PTPRN2: variants seen among roughly 807,000 people sequenced by gnomAD.
PTPRN2 encodes the protein receptor-type tyrosine-protein phosphatase N2.
PTPRN2 carries 74 observed loss-of-function variants against 118.8 expected under a neutral mutation model. The observed-to-expected ratio is 0.62, with a 90% CI of 0.52 to 0.76. The LOEUF (loss-of-function observed/expected upper bound fraction) is 0.76, where lower values mean the gene tolerates loss of function less well. PTPRN2 is among the 30% of genes least tolerant of loss of function. The probability of loss-of-function intolerance (pLI) is 0.00; values close to 1 mark genes in which losing one functional copy is unlikely to be tolerated. For missense variants in PTPRN2, 1,481 were observed against 1,394.4 expected (o/e 1.06, Z -0.99); for synonymous variants, 641 against 608.0 (o/e 1.05, Z -0.80).
chr7:158,266,060 C>T (rs140710217), intron 3 of PTPRN2, among the ~76,000 whole-genome samples: 5,409 of 147,266 alleles, frequency 0.037, 105 homozygotes, highest in Middle Eastern at 0.074. Flanking sequence ...AGGCTGGGGA[C>T]GGCGTCTGCT....
chr7:157,608,032 G>A (rs1802106509), intron 15 of PTPRN2, among the ~76,000 whole-genome samples: 2 of 152,134 alleles, frequency 1.3e-5, no homozygotes, highest in African/African-American at 4.8e-5. Context: ...TCGCATATTT[G>A]ATTTTGTGTC....
intron 2 of PTPRN2, among the ~76,000 whole-genome samples, chr7:158,489,299 T>C (rs2129445384): frequency 6.6e-6 from 1 of 152,148 alleles, no homozygotes; most frequent in East Asian, 1.9e-4. Flanking sequence ...TACAAAAAAT[T>C]AGCCGGGTGC....
intron 1 of PTPRN2, among the ~76,000 whole-genome samples, chr7:158,547,518 G>A (rs1398950903): frequency 6.6e-6 from 1 of 152,166 alleles, no homozygotes; most frequent in Non-Finnish European, 1.5e-5. Context: ...TCCATATAAT[G>A]TTCTCAAGGC....
chr7:158,205,093 C>T lies in PTPRN2; in HGVS notation c.380+78G>A. 3.2e-6 allele frequency: 4 copies of T among 1,245,388 alleles called. No homozygotes were observed. The Middle Eastern group carries it at 5.6e-4, about 176-fold the overall frequency. The allele number at this position is 1,245,388 out of a possible 1,614,324, so 77.1% of individuals were successfully genotyped here. On this transcript the variant is annotated intron_variant, in intron 4 of 22. Transcript: ENST00000389418. The stretch of plus-strand genomic sequence containing the variant: ...GGGTGCTTTGCTACATTAAAACAAA[C>T]AAACAAACAAATAATAAGTGTAATG...
intron 3 of PTPRN2, among the ~76,000 whole-genome samples, chr7:158,311,864 TGTGTAGACACCCACACACCTGCAC>T (rs1480361434): frequency 0.012 from 1,769 of 148,152 alleles, 37 homozygotes; most frequent in African/African-American, 0.042. Context: ...CACATGCTCA[TGTGTAGACACCCACACACCTGCAC>T]GTGTAGACAC....
chr7:158,523,257 C>A (rs991505473), intron 1 of PTPRN2, among the ~76,000 whole-genome samples: 8 of 152,184 alleles, frequency 5.3e-5, no homozygotes, highest in Non-Finnish European at 7.3e-5. Context: ...CCTCAGCAGC[C>A]AGAGTGGTGC....
intron 12 of PTPRN2, among the ~76,000 whole-genome samples, chr7:157,743,870 T>C (rs542123216): frequency 2.3e-4 from 35 of 152,354 alleles, no homozygotes; most frequent in Non-Finnish European, 4.3e-4. Flanking sequence ...ATTAGGTTCC[T>C]GGCATGGCTG....
intron 2 of PTPRN2, among the ~76,000 whole-genome samples, chr7:158,485,044 C>T (rs141720439): frequency 0.041 from 6,288 of 152,210 alleles, 167 homozygotes; most frequent in Non-Finnish European, 0.06. Flanking sequence ...CCCGGGAGGG[C>T]ACCTGCGGAG....
chr7:158,155,814 T>TCATCACCATCACCCAC (rs1821771048), intron 6 of PTPRN2, among the ~76,000 whole-genome samples: 2 of 150,872 alleles, frequency 1.3e-5, no homozygotes, highest in Non-Finnish European at 3.0e-5. Flanking sequence ...ATCACCACCA[T>TCATCACCATCACCCAC]CATCACCATC....
intron 12 of PTPRN2, among the ~76,000 whole-genome samples, chr7:157,684,406 G>A (rs1258112718): frequency 6.8e-6 from 1 of 147,404 alleles, no homozygotes; most frequent in East Asian, 2.1e-4. Flanking sequence ...AGGGGGGAGA[G>A]GGAGAGGAGG....
chr7:157,759,565 G>T (rs998998123), intron 12 of PTPRN2, among the ~76,000 whole-genome samples: 2 of 152,156 alleles, frequency 1.3e-5, no homozygotes, highest in Admixed American at 1.3e-4. Context: ...CTTTTCAAAG[G>T]CCTCCTTCAA....
intron 2 of PTPRN2, among the ~76,000 whole-genome samples, chr7:158,318,892 C>G (rs887113236): frequency 1.3e-5 from 2 of 152,220 alleles, no homozygotes; most frequent in Non-Finnish European, 2.9e-5. Context: ...GAGTAGCCAA[C>G]GCTTCGCAAC....
chr7:157,729,499 C>A lies in PTPRN2; in HGVS notation c.1789-46562G>T, dbSNP rs142586966. Among the ~76,000 whole-genome samples, 1 of 152,280 alleles carries A rather than the reference C, an allele frequency of 6.6e-6. No homozygotes were observed. The highest frequency in any genetic ancestry group is 2.1e-4 in the South Asian group (1 of 4,822). ...TCCGCTGCTAAAATGCAAAGTTCCC[C>A]GAAGGCAGGTGGGCACTGTGCTGGT... On this transcript the variant is annotated intron_variant, in intron 12 of 22. Transcript: ENST00000389418. The surrounding 1 kb of genome is among the most constrained non-coding windows in gnomAD (Gnocchi z 4.3).
intron 1 of PTPRN2, among the ~76,000 whole-genome samples, chr7:158,531,391 C>T (rs2129448772): frequency 6.6e-6 from 1 of 152,294 alleles, no homozygotes; most frequent in Non-Finnish European, 1.5e-5. Flanking sequence ...GGAAGGGGGC[C>T]ACAGGAAGGC....
In PTPRN2 at chr7:158,259,511, G is replaced by A. The variant is rs531232790; in HGVS notation, c.278-54238C>T. Among the ~76,000 whole-genome samples, 6 of 152,300 alleles carry A rather than the reference G, an allele frequency of 3.9e-5. No individual in the cohort carries two copies. In the South Asian group the frequency reaches 1.0e-3, roughly 26 times the overall value. On this transcript the variant is annotated intron_variant, in intron 3 of 22. Coordinates refer to ENST00000389418, the MANE Select transcript of PTPRN2 (RefSeq NM_002847.5). The stretch of plus-strand genomic sequence containing the variant: ...TCCACCAAAGACCGTCGGCACCAAC[G>A]GCTGGCATGTTCCTTGGGAAATTAG...
rs1008096037 is a variant in PTPRN2, at chr7:157,611,736, G to A, written c.2345-7661C>T. On this transcript the variant is annotated intron_variant, in intron 15 of 22. Coordinates refer to ENST00000389418, the MANE Select transcript of PTPRN2 (RefSeq NM_002847.5). The surrounding 1 kb of genome is among the most constrained non-coding windows in gnomAD (Gnocchi z 5.9). ...ACAGCCGCGGTCATGCTGGGGACAC[G>A]CGGAGGGAGCGCGCCCGTGTGAAGA... 4.3e-4 allele frequency among the ~76,000 whole-genome samples: 65 copies of A among 149,464 alleles called. No homozygotes were observed. Among genetic ancestry groups the A allele is most frequent in the Admixed American group, 2.3e-3 (34 of 15,094 alleles).
chr7:158,338,304 CCA>C lies in PTPRN2; in HGVS notation c.164-21374_164-21373del, dbSNP rs1190445770. Among the ~76,000 whole-genome samples the C allele has an allele frequency of 4.7e-5, 3 of 64,486 alleles. No individual in the cohort carries two copies. The East Asian group carries it at 1.5e-3, about 32-fold the overall frequency. 42.3% of individuals were successfully genotyped at this position (64,486 alleles called of 152,430 possible). A position where few individuals can be genotyped will look rare whatever the true frequency, so the allele number is the denominator to read the frequency against. On this transcript the variant is annotated intron_variant, in intron 2 of 22. Coordinates refer to ENST00000389418, the MANE Select transcript of PTPRN2 (RefSeq NM_002847.5). ...TGACACCTGCTGACGTCACTCACAC[CCA>C]CACTGTCACCATAAGAGCTGACACC...
intron 12 of PTPRN2, among the ~76,000 whole-genome samples, chr7:157,879,336 C>G (rs1204326175): frequency 1.3e-5 from 2 of 152,182 alleles, no homozygotes; most frequent in African/African-American, 2.4e-5. Context: ...CAGGAACACA[C>G]CCCCCAACAC....
chr7:158,206,569 G>T (rs999873826), intron 3 of PTPRN2, among the ~76,000 whole-genome samples: 2 of 152,096 alleles, frequency 1.3e-5, no homozygotes, highest in Non-Finnish European at 2.9e-5. Flanking sequence ...CTCGGGGAGG[G>T]GGGGAGAGAG....
Sources: allele counts gnomAD v4.1 joint callset (sites outside exome capture counted in the v4.1 genomes callset), GRCh38; gene constraint gnomAD v4.1.1; non-coding constraint Gnocchi (gnomAD v3.1); transcripts MANE v1.5; gene names NCBI Gene and HGNC (gene_info 2026-07-23, HGNC 2026-07-21).